The following RAB8B variants were observed in gnomAD, a reference collection of about 807,000 sequenced individuals.
RAB8B encodes the protein RAB8B, member RAS oncogene family.
RAB8B carries 11 observed loss-of-function variants against 32.0 expected under a neutral mutation model. That is an observed-to-expected ratio of 0.34 (90% CI 0.22 to 0.57). The LOEUF (loss-of-function observed/expected upper bound fraction) is 0.57, where lower values mean the gene tolerates loss of function less well. Ranked by LOEUF, RAB8B falls within the 20% of genes least tolerant of loss-of-function variation. RAB8B has a pLI of 0.86. For missense variants in RAB8B, 190 were observed against 258.5 expected (o/e 0.73, Z 1.82); for synonymous variants, 103 against 89.6 (o/e 1.15, Z -0.85).
chr15:63,234,960 C>G (rs1164264541), intron 1 of RAB8B, among the ~76,000 whole-genome samples: 1 of 152,086 alleles, frequency 6.6e-6, no homozygotes, highest in Non-Finnish European at 1.5e-5. Context: ...AAGAAAAGTC[C>G]CCAAACCCCC....
intron 1 of RAB8B, among the ~76,000 whole-genome samples, chr15:63,216,721 A>G (rs1398279465): frequency 6.6e-6 from 1 of 151,858 alleles, no homozygotes; most frequent in Non-Finnish European, 1.5e-5. Context: ...TTAGTCGGGC[A>G]TGGTGGTGTG....
chr15:63,216,314 C>T (rs991414761), intron 1 of RAB8B, among the ~76,000 whole-genome samples: 5 of 150,252 alleles, frequency 3.3e-5, no homozygotes, highest in Non-Finnish European at 7.4e-5. Context: ...CTGCAACCTC[C>T]GCCTCCTGGT....
At chr15:63,260,348 A>C (rs1314051674) in intron 6 of RAB8B, among the ~76,000 whole-genome samples, 1 of 152,188 alleles carries the variant, frequency 6.6e-6, no homozygotes. Context: ...GAGTTAAATC[A>C]CTTTTAAGGC....
intron 3 of RAB8B, among the ~76,000 whole-genome samples, chr15:63,253,249 A>G (rs916770695): frequency 2.0e-5 from 3 of 152,160 alleles, no homozygotes; most frequent in Non-Finnish European, 2.9e-5. Flanking sequence ...CCAAGAAATC[A>G]TCTAAAATCC....
intron 1 of RAB8B, among the ~76,000 whole-genome samples, chr15:63,227,916 TTTC>T (rs1377697037): frequency 6.6e-6 from 1 of 152,152 alleles, no homozygotes; most frequent in Non-Finnish European, 1.5e-5. Flanking sequence ...CTTTCTTTTC[TTTC>T]TTTTCTCTTT....
At chr15:63,209,580 G>A (rs956423568) in intron 1 of RAB8B, among the ~76,000 whole-genome samples, 8 of 151,724 alleles carry the variant, frequency 5.3e-5, no homozygotes, top group African/African-American at 1.2e-4. Context: ...GACAAAAAGC[G>A]AAAAAATAAA....
intron 1 of RAB8B, among the ~76,000 whole-genome samples, chr15:63,221,413 A>G (rs1458946119): frequency 6.6e-6 from 1 of 152,226 alleles, no homozygotes; most frequent in Non-Finnish European, 1.5e-5. Context: ...TAGAAGTATT[A>G]TAAGCAAAAA....
chr15:63,202,301 A>G lies in RAB8B; in HGVS notation c.124+12553A>G, dbSNP rs569009324. 4.6e-5 allele frequency among the ~76,000 whole-genome samples: 7 copies of G among 152,072 alleles called. No homozygotes were observed. The East Asian group carries it at 1.4e-3, about 29-fold the overall frequency. On this transcript the variant is annotated intron_variant, in intron 1 of 7. Coordinates refer to ENST00000321437, the MANE Select transcript of RAB8B (RefSeq NM_016530.3). ...TCAAAAAGAAAAAAGAAAAAAAAGA[A>G]CTATTAAAACTGACCAACAAACCCT... is the stretch of plus-strand genomic sequence containing the variant.
intron 1 of RAB8B, among the ~76,000 whole-genome samples, chr15:63,238,239 A>G (rs568872435): frequency 1.3e-5 from 2 of 152,186 alleles, no homozygotes; most frequent in African/African-American, 4.8e-5. Flanking sequence ...TTAAAAAAAA[A>G]AAAAAGTTGC....
chr15:63,225,967 A>G (rs986960318), intron 1 of RAB8B, among the ~76,000 whole-genome samples: 8 of 152,116 alleles, frequency 5.3e-5, no homozygotes, highest in African/African-American at 1.9e-4. Context: ...CGGCCCCATC[A>G]GTAGCTGCGA....
chr15:63,223,359 G>GC (rs1201256225), intron 1 of RAB8B, among the ~76,000 whole-genome samples: 2 of 152,006 alleles, frequency 1.3e-5, no homozygotes, highest in African/African-American at 2.4e-5. Flanking sequence ...TGATCCACTT[G>GC]CCTCGGCCCC....
chr15:63,200,969 C>T (rs909737665), intron 1 of RAB8B, among the ~76,000 whole-genome samples: 9 of 152,000 alleles, frequency 5.9e-5, no homozygotes, highest in Admixed American at 3.3e-4. Flanking sequence ...AGTATATATT[C>T]GGCCCTTGAT....
chr15:63,249,796 A>G, intron 3 of RAB8B, 91 bp downstream of exon 3: 1 of 1,323,522 alleles, frequency 7.6e-7, no homozygotes. Context: ...GATGGAGTCT[A>G]GTATGTAGAA....
intron 1 of RAB8B, among the ~76,000 whole-genome samples, chr15:63,226,649 G>A (rs2037891164): frequency 6.6e-6 from 1 of 152,056 alleles, no homozygotes; most frequent in Admixed American, 6.6e-5. Context: ...ACAATTTGAG[G>A]TTAAAAATAC....
chr15:63,191,119 G>A (rs912526968), intron 1 of RAB8B, among the ~76,000 whole-genome samples: 2 of 152,172 alleles, frequency 1.3e-5, no homozygotes, highest in Non-Finnish European at 2.9e-5. Context: ...GAATACCTCA[G>A]CTTTTGGTTG....
intron 1 of RAB8B, among the ~76,000 whole-genome samples, chr15:63,208,570 C>T (rs12901427): frequency 0.14 from 20,544 of 152,080 alleles, 1,847 homozygotes; most frequent in East Asian, 0.47. Flanking sequence ...CTTTTATTCT[C>T]GCCTGCACAT....
chr15:63,212,640 G>C (rs184113233), intron 1 of RAB8B, among the ~76,000 whole-genome samples: 4 of 152,208 alleles, frequency 2.6e-5, no homozygotes, highest in Admixed American at 2.6e-4. Context: ...GGAAGAGGGG[G>C]AGGTGAAGGA....
chr15:63,245,893 A>G (rs1432912304), intron 2 of RAB8B, among the ~76,000 whole-genome samples: 2 of 152,080 alleles, frequency 1.3e-5, no homozygotes, highest in Admixed American at 1.3e-4. Context: ...TTTTTTTGAG[A>G]CAGAGTTTCG....
At chr15:63,190,872 A>C in intron 1 of RAB8B, among the ~76,000 whole-genome samples, 1 of 152,244 alleles carries the variant, frequency 6.6e-6, no homozygotes, top group Non-Finnish European at 1.5e-5. Flanking sequence ...TGTTAAGTGA[A>C]TCACAACATG....
Sources: allele counts gnomAD v4.1 joint callset (sites outside exome capture counted in the v4.1 genomes callset), GRCh38; gene constraint gnomAD v4.1.1; transcripts MANE v1.5; gene names NCBI Gene and HGNC (gene_info 2026-07-23, HGNC 2026-07-21).